Variants in VKORC1L1 observed in about 807,000 individuals in gnomAD.
The protein encoded by VKORC1L1 is vitamin K epoxide reductase complex subunit 1-like protein 1.
Under a neutral mutation model 18.9 loss-of-function variants are expected in VKORC1L1, and 2 were observed. That is an observed-to-expected ratio of 0.11 (90% confidence interval 0.04 to 0.33). The LOEUF (loss-of-function observed/expected upper bound fraction) is 0.33. Ranked by LOEUF, VKORC1L1 falls within the 10% of genes least tolerant of loss-of-function variation. The pLI is 1.00. For missense variants in VKORC1L1, 123 were observed against 224.1 expected (o/e 0.55, Z 2.88); for synonymous variants, 96 against 100.0 (o/e 0.96, Z 0.24).
Position 65,873,266 on chromosome 7 carries a change from CGGCGGCGGAGGCGGCGGT to C in VKORC1L1, c.-97_-80del, listed in dbSNP as rs960535374. The C allele has an allele frequency of 2.4e-5, 24 of 981,286 alleles. No individual in the cohort carries two copies. Among genetic ancestry groups the C allele is most frequent in the African/African-American group, 1.1e-4 (6 of 55,878 alleles). The allele number at this position is 981,286 out of a possible 1,614,324, so 60.8% of individuals were successfully genotyped here. A position where few individuals can be genotyped will look rare whatever the true frequency, so the allele number is the denominator to read the frequency against. The stretch of plus-strand genomic sequence containing the variant: ...GCGGCGGCGGCGGCGGTGGTGGCGG[CGGCGGCGGAGGCGGCGGT>C]GGCGGCGGTGGCGGCTGGGTCGGGC... On this transcript the variant is annotated 5_prime_UTR_variant, in exon 1 of 3. Transcript: ENST00000360768.
intron 1 of VKORC1L1, among the ~76,000 whole-genome samples, chr7:65,945,797 C>T (rs1260671657): frequency 6.6e-6 from 1 of 152,172 alleles, no homozygotes; most frequent in Non-Finnish European, 1.5e-5. Flanking sequence ...ACATTGTTTT[C>T]GAGGAAAATA....
intron 1 of VKORC1L1, among the ~76,000 whole-genome samples, chr7:65,899,897 G>A (rs1360147772): frequency 1.3e-5 from 2 of 152,204 alleles, no homozygotes; most frequent in South Asian, 4.2e-4. Context: ...CTACTCGGGA[G>A]GCTGAGGCAG....
chr7:65,895,500 T>A (rs1562986689), intron 1 of VKORC1L1, among the ~76,000 whole-genome samples: 9 of 99,366 alleles, frequency 9.1e-5, no homozygotes, highest in East Asian at 3.4e-4. Context: ...TATATATATA[T>A]ATATATATAT....
intron 1 of VKORC1L1, among the ~76,000 whole-genome samples, chr7:65,916,143 T>C (rs1157664481): frequency 6.7e-6 from 1 of 149,430 alleles, no homozygotes; most frequent in Non-Finnish European, 1.5e-5. Flanking sequence ...AGAGGAAACA[T>C]CCTTTTTGTC....
At chr7:65,870,805 G>C (rs559472244), upstream of VKORC1L1, among the ~76,000 whole-genome samples, 1 of 152,268 alleles carries the variant, frequency 6.6e-6, no homozygotes, top group Non-Finnish European at 1.5e-5. Flanking sequence ...TTCTTAATCA[G>C]TGTGTCATTC....
At position 65,956,077 on chromosome 7, in the gene VKORC1L1, A is replaced by G. The variant is rs1429819896; in HGVS notation, c.*1777A>G. The G allele has an allele frequency of 6.6e-6, 1 of 152,242 alleles. No individual in the cohort carries two copies. The highest frequency in any genetic ancestry group is 1.5e-5 in the Non-Finnish European group (1 of 68,040). 9.4% of individuals were successfully genotyped at this position (152,242 alleles called of 1,614,324 possible). On this transcript the variant is annotated 3_prime_UTR_variant, in exon 3 of 3. Transcript: ENST00000360768. ...ATTTCATCAAGACTTGTGTTTTCCC[A>G]TGAATGTGAATCTTTCAATGGCTGT...
At chr7:65,932,496 A>G (rs1244166391) in intron 1 of VKORC1L1, among the ~76,000 whole-genome samples, 2 of 152,146 alleles carry the variant, frequency 1.3e-5, no homozygotes, top group Admixed American at 1.3e-4. Flanking sequence ...CTCTCTCAGC[A>G]CTACTTTAGC....
chr7:65,953,518 G>A (rs1790246426), intron 2 of VKORC1L1, among the ~76,000 whole-genome samples: 1 of 152,196 alleles, frequency 6.6e-6, no homozygotes, highest in African/African-American at 2.4e-5. Context: ...TTTTCTTTGT[G>A]TGCATATTTT....
intron 1 of VKORC1L1, among the ~76,000 whole-genome samples, chr7:65,877,927 C>T (rs1370873223): frequency 1.3e-5 from 2 of 152,046 alleles, no homozygotes; most frequent in African/African-American, 4.8e-5. Context: ...TTTGGGCCTC[C>T]ATATATGCAG....
chr7:65,947,963 A>G (rs1353992017), intron 1 of VKORC1L1, among the ~76,000 whole-genome samples: 1 of 152,214 alleles, frequency 6.6e-6, no homozygotes, highest in African/African-American at 2.4e-5. Flanking sequence ...TGGTGGGATT[A>G]TAGGTGTGAT....
intron 2 of VKORC1L1, among the ~76,000 whole-genome samples, chr7:65,949,311 C>G (rs559658081): frequency 6.6e-6 from 1 of 152,016 alleles, no homozygotes; most frequent in South Asian, 2.1e-4. Flanking sequence ...GAAACCCTGT[C>G]TCTACTAAAA....
At chr7:65,873,032 C>T (rs1263215520), upstream of VKORC1L1, among the ~76,000 whole-genome samples, 34 of 146,916 alleles carry the variant, frequency 2.3e-4, no homozygotes, top group African/African-American at 7.2e-4. Flanking sequence ...GGCTCCACCC[C>T]TCGCGCGCGA....
At chr7:65,867,931 C>T in the VKORC1L1 span, among the ~76,000 whole-genome samples, 4 of 152,196 alleles carry the variant, frequency 2.6e-5, no homozygotes, top group African/African-American at 9.6e-5. Flanking sequence ...ACTGCAACTT[C>T]CACCTCCCAG....
At chr7:65,874,968 A>C (rs1466812161) in intron 1 of VKORC1L1, among the ~76,000 whole-genome samples, 1 of 152,238 alleles carries the variant, frequency 6.6e-6, no homozygotes, top group Admixed American at 6.5e-5. Flanking sequence ...GTATAAGTAC[A>C]TGTAAGACTA....
At chr7:65,908,134 T>G (rs575515955) in intron 1 of VKORC1L1, among the ~76,000 whole-genome samples, 1 of 152,268 alleles carries the variant, frequency 6.6e-6, no homozygotes, top group East Asian at 1.9e-4. Flanking sequence ...TTTATTTGGC[T>G]GGGTGCTGTG....
At chr7:65,925,336 T>TA (rs1187421211) in intron 1 of VKORC1L1, among the ~76,000 whole-genome samples, 3 of 152,208 alleles carry the variant, frequency 2.0e-5, no homozygotes, top group African/African-American at 7.2e-5. Context: ...CTGTCAGTCT[T>TA]ACTTCTTCAA....
intron 1 of VKORC1L1, among the ~76,000 whole-genome samples, chr7:65,927,753 C>T (rs1359679128): frequency 1.3e-5 from 2 of 152,098 alleles, no homozygotes; most frequent in Non-Finnish European, 2.9e-5. Flanking sequence ...TTATTGTAGC[C>T]CACCATGCAT....
At chr7:65,877,390 C>A (rs557536855) in intron 1 of VKORC1L1, among the ~76,000 whole-genome samples, 17 of 151,836 alleles carry the variant, frequency 1.1e-4, no homozygotes, top group Middle Eastern at 3.4e-3. Context: ...CTCTGTCACC[C>A]GGACTGGAGT....
chr7:65,920,595 C>T (rs1020330293), intron 1 of VKORC1L1, among the ~76,000 whole-genome samples: 1 of 152,114 alleles, frequency 6.6e-6, no homozygotes, highest in African/African-American at 2.4e-5. Context: ...AGTGGGGAGG[C>T]TCCTTCTTGG....
Sources: allele counts gnomAD v4.1 joint callset (sites outside exome capture counted in the v4.1 genomes callset), GRCh38; gene constraint gnomAD v4.1.1; transcripts MANE v1.5; gene names NCBI Gene and HGNC (gene_info 2026-07-23, HGNC 2026-07-21).